Variants in ZFAND3 observed in about 807,000 individuals in gnomAD.
ZFAND3 encodes zinc finger AN1-type containing 3.
Under a neutral mutation model 29.6 loss-of-function variants are expected in ZFAND3, and 10 were observed. The observed-to-expected ratio is 0.34, with a 90% CI of 0.21 to 0.57. The LOEUF (loss-of-function observed/expected upper bound fraction) is 0.57. Among genes scored for constraint, ZFAND3 ranks in the 20% least tolerant of loss-of-function variants. ZFAND3 has a pLI of 0.86. For missense variants in ZFAND3, 230 were observed against 304.5 expected, an observed-to-expected ratio of 0.76 and a Z score of 1.82; for synonymous variants, 128 against 112.6, an observed-to-expected ratio of 1.14 and a Z score of -0.87.
At chr6:38,114,786 A>T (rs1765385409) in intron 4 of ZFAND3, among the ~76,000 whole-genome samples, 1 of 152,254 alleles carries the variant, frequency 6.6e-6, no homozygotes, top group Non-Finnish European at 1.5e-5. Flanking sequence ...CACTAGAGCC[A>T]CTTTAAGTAG....
intron 5 of ZFAND3, among the ~76,000 whole-genome samples, chr6:38,146,877 C>T (rs1208401332): frequency 6.6e-5 from 10 of 152,208 alleles, no homozygotes. Flanking sequence ...AACGATAGGG[C>T]CATAAGGAAA....
chr6:38,144,132 C>T (rs1477618710), intron 5 of ZFAND3, among the ~76,000 whole-genome samples: 1 of 136,096 alleles, frequency 7.3e-6, no homozygotes, highest in Non-Finnish European at 1.6e-5. Flanking sequence ...AGTGAGCTGT[C>T]CTAAGCTTTA....
intron 1 of ZFAND3, among the ~76,000 whole-genome samples, chr6:37,882,270 A>G (rs977845530): frequency 2.0e-5 from 3 of 152,114 alleles, no homozygotes; most frequent in African/African-American, 7.2e-5. Flanking sequence ...TCTTGTCAGT[A>G]TGAGGTAGAC....
chr6:38,004,456 C>G (rs1393270947), intron 2 of ZFAND3, among the ~76,000 whole-genome samples: 1 of 149,730 alleles, frequency 6.7e-6, no homozygotes, highest in Non-Finnish European at 1.5e-5. Context: ...CTCCCCCTTC[C>G]CCTCTCCCCC....
At chr6:37,828,350 C>T (rs1763796328) in intron 1 of ZFAND3, among the ~76,000 whole-genome samples, 1 of 152,154 alleles carries the variant, frequency 6.6e-6, no homozygotes, top group Non-Finnish European at 1.5e-5. Context: ...GCTGTCAGTT[C>T]TGTGCTTTGA....
intron 5 of ZFAND3, among the ~76,000 whole-genome samples, chr6:38,117,902 C>G (rs1218521314): frequency 6.6e-6 from 1 of 152,200 alleles, no homozygotes; most frequent in Non-Finnish European, 1.5e-5. Flanking sequence ...TTCATAGAAA[C>G]TACGTTGGAA....
intron 2 of ZFAND3, among the ~76,000 whole-genome samples, chr6:38,056,006 A>G (rs538914235): frequency 9.8e-5 from 15 of 152,354 alleles, no homozygotes; most frequent in African/African-American, 2.2e-4. Context: ...TATATACCAT[A>G]GTAAGTCTTG....
At chr6:37,950,311 C>T (rs1307067473) in intron 2 of ZFAND3, among the ~76,000 whole-genome samples, 1 of 150,334 alleles carries the variant, frequency 6.7e-6, no homozygotes, top group African/African-American at 2.4e-5. Context: ...TTTCAATCTT[C>T]TAGCCAATTA....
At chr6:38,124,384 G>A (rs549817703) in intron 5 of ZFAND3, among the ~76,000 whole-genome samples, 68 of 152,336 alleles carry the variant, frequency 4.5e-4, no homozygotes, top group African/African-American at 1.4e-3. Flanking sequence ...AGGGGGCGGC[G>A]CTCCTAGGGG....
At chr6:37,960,446 G>A (rs1222811989) in intron 2 of ZFAND3, among the ~76,000 whole-genome samples, 1 of 152,190 alleles carries the variant, frequency 6.6e-6, no homozygotes, top group Non-Finnish European at 1.5e-5. Flanking sequence ...TGGACAGAAG[G>A]CAATGGGGAG....
chr6:37,985,512 C>CAG (rs1762653436), intron 2 of ZFAND3, among the ~76,000 whole-genome samples: 2 of 148,204 alleles, frequency 1.3e-5, no homozygotes, highest in Admixed American at 1.3e-4. Context: ...CACACACACA[C>CAG]ACACACACAC....
At chr6:37,991,339 TTTTATTA>T (rs1762755142) in intron 2 of ZFAND3, among the ~76,000 whole-genome samples, 2 of 151,822 alleles carry the variant, frequency 1.3e-5, no homozygotes, top group East Asian at 1.9e-4. Flanking sequence ...TTAAAATTTA[TTTTATTA>T]TTTATTATTT....
At chr6:37,953,016 T>C (rs1762024986) in intron 2 of ZFAND3, among the ~76,000 whole-genome samples, 1 of 152,100 alleles carries the variant, frequency 6.6e-6, no homozygotes, top group Non-Finnish European at 1.5e-5. Context: ...TGTGGTGTTT[T>C]TATATTTAAA....
chr6:38,061,771 G>A lies in ZFAND3; in HGVS notation c.291G>A (p.Glu97=), dbSNP rs373504956. The change falls in exon 3 of 6, where the codon GAG becomes GAA. Residue 97 remains glutamate, a synonymous_variant. Coordinates refer to ENST00000287218, the MANE Select transcript of ZFAND3 (RefSeq NM_021943.3). The stretch of plus-strand genomic sequence containing the variant: ...TGAATGTAACTTCACCGAGTAAAGA[G>A]GAGTGTAAGTGTCTGGCTTCTGAGG... ...TELNVTSPSK[E]ECGPCTDTAH... 5.6e-6 allele frequency: 9 copies of A among 1,613,960 alleles called. No individual in the cohort carries two copies. Among genetic ancestry groups the A allele is most frequent in the Middle Eastern group, 1.6e-4 (1 of 6,084 alleles).
At chr6:37,955,347 GT>G (rs1762069647) in intron 2 of ZFAND3, among the ~76,000 whole-genome samples, 1 of 152,114 alleles carries the variant, frequency 6.6e-6, no homozygotes, top group Admixed American at 6.5e-5. Context: ...AAGATATGTT[GT>G]TTAGTTCTGA....
chr6:38,033,259 A>G (rs1167299618), intron 2 of ZFAND3, among the ~76,000 whole-genome samples: 1 of 152,218 alleles, frequency 6.6e-6, no homozygotes, highest in Admixed American at 6.5e-5. Flanking sequence ...ACTCTCATCT[A>G]TAATGAGAAG....
chr6:37,895,972 C>T (rs1003442032), intron 1 of ZFAND3, among the ~76,000 whole-genome samples: 10 of 152,180 alleles, frequency 6.6e-5, no homozygotes, highest in Non-Finnish European at 1.2e-4. Context: ...GATGGGAACA[C>T]GCACTATTCT....
intron 1 of ZFAND3, among the ~76,000 whole-genome samples, chr6:37,844,720 A>C (rs1404578572): frequency 6.6e-6 from 1 of 151,854 alleles, no homozygotes; most frequent in Non-Finnish European, 1.5e-5. Flanking sequence ...TAGGGTCTTA[A>C]AAAGCAATTA....
chr6:38,012,536 G>A (rs151191342), intron 2 of ZFAND3, among the ~76,000 whole-genome samples: 3 of 151,930 alleles, frequency 2.0e-5, no homozygotes, highest in Non-Finnish European at 2.9e-5. Flanking sequence ...GTGCCACCAC[G>A]CCTGGCTAAT....
Sources: gnomAD v4.1 joint callset for allele counts (sites outside exome capture counted in the v4.1 genomes callset) on GRCh38, gnomAD v4.1.1 for gene constraint, MANE v1.5 for transcripts, NCBI Gene and HGNC (gene_info 2026-07-23, HGNC 2026-07-21) for gene names.